PPFIA4: variants seen among roughly 807,000 people sequenced by gnomAD.
PPFIA4 encodes liprin-alpha-4.
Under a neutral mutation model 145.7 loss-of-function variants are expected in PPFIA4, and 98 were observed. The observed-to-expected ratio is 0.67, with a 90% CI of 0.57 to 0.80. The LOEUF (loss-of-function observed/expected upper bound fraction) is 0.80. Ranked by LOEUF, PPFIA4 falls within the 30% of genes least tolerant of loss-of-function variation. PPFIA4 has a pLI of 0.00. For missense variants in PPFIA4, 1,457 were observed against 1,632.7 expected (o/e 0.89, Z 1.85); for synonymous variants, 628 against 649.6 (o/e 0.97, Z 0.51).
intron 1 of PPFIA4, among the ~76,000 whole-genome samples, chr1:203,033,137 G>A (rs1658969138): frequency 6.6e-6 from 1 of 152,192 alleles, no homozygotes; most frequent in South Asian, 2.1e-4. Flanking sequence ...ACTGTTTCAT[G>A]TCTGTTACCT....
chr1:203,058,318 G>A (rs550465797), intron 19 of PPFIA4, among the ~76,000 whole-genome samples: 2 of 152,150 alleles, frequency 1.3e-5, no homozygotes, highest in Admixed American at 6.5e-5. Flanking sequence ...GTCTGGGAAC[G>A]GGGAGGAGGA....
At chr1:203,069,308 A>C (rs1350306427) in intron 27 of PPFIA4, among the ~76,000 whole-genome samples, 3 of 152,190 alleles carry the variant, frequency 2.0e-5, no homozygotes, top group Non-Finnish European at 4.4e-5. Flanking sequence ...TGTTGTGTAG[A>C]GTACTTCCTG....
chr1:203,056,131 A>G lies in PPFIA4; in HGVS notation c.2082A>G (p.Leu694=). 6.2e-7 allele frequency: 1 copy of G among 1,613,956 alleles called. No homozygotes were observed. Among genetic ancestry groups the G allele is most frequent in the South Asian group, 1.1e-5 (1 of 91,082 alleles). The change falls in exon 17 of 30, where the codon TTA becomes TTG. Residue 694 remains leucine (L), a synonymous_variant. Coordinates refer to ENST00000295706, the MANE Select transcript of PPFIA4 (RefSeq NM_001304331.2). ...CCTCTCTCTTGCAGCCCAGTGACTTAAGAAAGCATAGGAGGAAGCTGCTGG... is the reference window on the plus strand; with the variant it reads ...CCTCTCTCTTGCAGCCCAGTGACTTGAGAAAGCATAGGAGGAAGCTGCTGG... ...RMGVMTLPSD[L]RKHRRKLLSP...
At position 203,044,726 on chromosome 1, in the gene PPFIA4, C is replaced by T. The variant is rs865818329; in HGVS notation, c.607C>T (p.Arg203Trp). The change falls in exon 6 of 30, where the codon CGG (arginine) becomes TGG (tryptophan). Residue 203 changes from arginine to tryptophan, a missense_variant. Transcript: ENST00000295706. The stretch of plus-strand genomic sequence containing the variant: ...TGCCCTGCAGCAGGGGGCAGGGGTG[C>T]GGGATGGAGCGGCAGAAGAGGAGGG... ...VSALQQGAGV[R>W]DGAAEEEGTV... 4.6e-5 allele frequency: 72 copies of T among 1,562,040 alleles called. No individual in the cohort carries two copies. Among genetic ancestry groups the T allele is most frequent in the Middle Eastern group, 1.7e-4 (1 of 6,014 alleles).
In PPFIA4 at chr1:203,049,687, T is replaced by C. The variant is rs747660810; in HGVS notation, c.1431T>C (p.Ser477=). Reference sequence around the variant, plus strand: ...GTCTGCTGGCACAGGGCCGCCTGTCTGAAGAGATTGAGAAGCTGCGCCAAG... The same window carrying C: ...GTCTGCTGGCACAGGGCCGCCTGTCCGAAGAGATTGAGAAGCTGCGCCAAG... ...EEQHHHKGRL[S]EEIEKLRQEV... Residue 477 remains serine, a synonymous_variant, in exon 13 of 30, where the codon TCT becomes TCC. Transcript: ENST00000295706. 1.3e-6 allele frequency: 2 copies of C among 1,555,626 alleles called. No homozygotes were observed. Among genetic ancestry groups the C allele is most frequent in the Non-Finnish European group, 1.7e-6 (2 of 1,149,234 alleles).
chr1:203,059,049 AATG>A, intron 19 of PPFIA4, 126 bp from the exon 20 acceptor site: 1 of 686,488 alleles, frequency 1.5e-6, no homozygotes, highest in Non-Finnish European at 2.6e-6. Context: ...CTCCAGGAAT[AATG>A]GTCCCGTCAG....
Position 203,051,754 on chromosome 1 carries a change from C to T in PPFIA4, c.1512-15C>T. 6.2e-7 allele frequency: 1 copy of T among 1,602,460 alleles called. No homozygotes were observed. The highest frequency in any genetic ancestry group is 8.5e-7 in the Non-Finnish European group (1 of 1,174,840). Reference sequence around the variant, plus strand: ...CCTCAGGGCCTGTCTTTTCTCTCCCCCATCACCGCTCAAGGTCGCACATGG... The same window carrying T: ...CCTCAGGGCCTGTCTTTTCTCTCCCTCATCACCGCTCAAGGTCGCACATGG... On this transcript the variant is annotated splice_polypyrimidine_tract_variant and intron_variant, in intron 13 of 29. Transcript: ENST00000295706.
chr1:203,052,642 G>A (rs1010740139), intron 14 of PPFIA4, among the ~76,000 whole-genome samples: 11 of 152,138 alleles, frequency 7.2e-5, no homozygotes, highest in African/African-American at 2.7e-4. Context: ...TAAGAATATA[G>A]CAGCTATCCA....
rs144405650 is a variant in PPFIA4 at position 203,077,690 on chromosome 1, A to C, written c.*1300A>C. On this transcript the variant is annotated 3_prime_UTR_variant, in exon 30 of 30. Transcript: ENST00000295706. Reference sequence around the variant, plus strand: ...CATTTTCATTGCTTTCCCCAGCAGCATGATGGGAACCCAAGCTGAGGGATA... The same window carrying C: ...CATTTTCATTGCTTTCCCCAGCAGCCTGATGGGAACCCAAGCTGAGGGATA... 4.3e-4 allele frequency: 65 copies of C among 152,376 alleles called. No homozygotes were observed. Among genetic ancestry groups the C allele is most frequent in the African/African-American group, 1.5e-3 (64 of 41,580 alleles). 9.4% of individuals were successfully genotyped at this position (152,376 alleles called of 1,614,324 possible).
At position 203,053,848 on chromosome 1, in the gene PPFIA4, G is replaced by A. The variant is rs1209684253; in HGVS notation, c.1716G>A (p.Glu572=). ...DPEISDVDED[E]PGGLVGSADV... ...AGATCTCCGACGTGGATGAGGATGAGCCAGGGGGTCTGGTGGGCTCTGCGG... is the reference window on the plus strand; with the variant it reads ...AGATCTCCGACGTGGATGAGGATGAACCAGGGGGTCTGGTGGGCTCTGCGG... Residue 572 remains glutamate (E), a synonymous_variant, in exon 15 of 30, where the codon GAG becomes GAA. Transcript: ENST00000295706. 2 of 1,555,190 alleles carry A rather than the reference G, an allele frequency of 1.3e-6. No homozygotes were observed. Among genetic ancestry groups the A allele is most frequent in the Non-Finnish European group, 8.7e-7 (1 of 1,148,890 alleles).
At chr1:203,054,703 TACAC>T (rs891268884) in intron 15 of PPFIA4, among the ~76,000 whole-genome samples, 2 of 123,112 alleles carry the variant, frequency 1.6e-5, no homozygotes, top group African/African-American at 3.0e-5. Flanking sequence ...CACACACACA[TACAC>T]ACACAGAGAG....
chr1:203,074,263 C>T (rs1662368583), intron 28 of PPFIA4, among the ~76,000 whole-genome samples: 1 of 152,138 alleles, frequency 6.6e-6, no homozygotes, highest in Non-Finnish European at 1.5e-5. Flanking sequence ...GGGGTATAGC[C>T]TATTGCACAC....
intron 6 of PPFIA4, 51 bp downstream of exon 6, chr1:203,044,836 A>G: frequency 6.7e-7 from 1 of 1,496,384 alleles, no homozygotes; most frequent in Non-Finnish European, 9.1e-7. Flanking sequence ...CCAAGGTGGG[A>G]GGTTGGAGGC....
intron 14 of PPFIA4, among the ~76,000 whole-genome samples, chr1:203,053,394 G>A (rs1660676434): frequency 6.6e-6 from 1 of 152,122 alleles, no homozygotes; most frequent in African/African-American, 2.4e-5. Context: ...TCAGCCGGGC[G>A]TGGTGGCGTG....
chr1:203,063,703 G>T, intron 24 of PPFIA4, 125 bp from the exon 25 acceptor site: 3 of 899,016 alleles, frequency 3.3e-6, no homozygotes, highest in Non-Finnish European at 5.3e-6. Flanking sequence ...AAATTGTATT[G>T]GACTGCCCTT....
chr1:203,027,458 G>A (rs1053539926), intron 1 of PPFIA4, among the ~76,000 whole-genome samples: 10 of 152,200 alleles, frequency 6.6e-5, no homozygotes, highest in Non-Finnish European at 1.5e-4. Flanking sequence ...AGGAGCTGAT[G>A]TCACCTTTGA....
chr1:203,046,115 C>T (rs1451163209), intron 8 of PPFIA4, 128 bp downstream of exon 8: 9 of 1,546,480 alleles, frequency 5.8e-6, no homozygotes, highest in Admixed American at 1.8e-5. Context: ...GGAAGTCAGG[C>T]GTCTCGGGCA....
At position 203,076,231 on chromosome 1, in the gene PPFIA4, T is replaced by A. The variant is rs528824882; in HGVS notation, c.3575-110T>A. 207 of 1,266,330 alleles carry A rather than the reference T, an allele frequency of 1.6e-4. 3 individuals are homozygous for A. The African/African-American group carries it at 2.3e-3, about 14-fold the overall frequency. 78.4% of individuals were successfully genotyped at this position (1,266,330 alleles called of 1,614,324 possible). ...CTGCTTCGTCTGGCCTGGGGCGCTT[T>A]GCGCTTGGAGCACGCTGCGTTGCCG... On this transcript the variant is annotated intron_variant, in intron 29 of 29. Coordinates refer to ENST00000295706, the MANE Select transcript of PPFIA4 (RefSeq NM_001304331.2).
chr1:203,060,203 C>A lies in PPFIA4; in HGVS notation c.2584-14C>A. On this transcript the variant is annotated splice_polypyrimidine_tract_variant and intron_variant, in intron 21 of 29. Transcript: ENST00000295706. This position sits in a 1 kb window ranked among gnomAD's most constrained non-coding sequence, Gnocchi z 4.8. ...CCAGGCCTTGAATTACCTCCCTGTG[C>A]CCGGTGTCTGCAGCTCTGGGTGGGG... is the stretch of plus-strand genomic sequence containing the variant. 6.2e-7 allele frequency: 1 copy of A among 1,612,684 alleles called. No individual in the cohort carries two copies. The highest frequency in any genetic ancestry group is 1.1e-5 in the South Asian group (1 of 90,928).
Sources: allele counts gnomAD v4.1 joint callset (sites outside exome capture counted in the v4.1 genomes callset), GRCh38; gene constraint gnomAD v4.1.1; non-coding constraint Gnocchi (gnomAD v3.1); transcripts MANE v1.5; gene names NCBI Gene and HGNC (gene_info 2026-07-23, HGNC 2026-07-21).